The following CNOT1 variants were observed in gnomAD, a reference collection of about 807,000 sequenced individuals.
The protein encoded by CNOT1 is CCR4-NOT transcription complex subunit 1.
A neutral mutation model predicts 273.8 loss-of-function variants in CNOT1; 15 were observed. The ratio of observed to expected loss-of-function variants is 0.05; its 90% CI spans 0.04 to 0.08. The LOEUF is 0.08. CNOT1 is among the 10% of genes least tolerant of loss of function. The pLI, the probability that CNOT1 is intolerant of heterozygous loss-of-function variation, is 1.00. For missense variants in CNOT1, 1,644 were observed against 2,912.2 expected (o/e 0.56, Z 10.02); for synonymous variants, 1,022 against 1,005.5 (o/e 1.02, Z -0.31).
chr16:58,539,243 T>C (rs187401), intron 35 of CNOT1, among the ~76,000 whole-genome samples: 96,647 of 151,698 alleles, frequency 0.64, 31,817 homozygotes, highest in East Asian at 0.95. Flanking sequence ...TCTATAATCC[T>C]AGCGCTTTGG....
chr16:58,543,039 G>A (rs959252301), intron 31 of CNOT1: 3 of 1,083,806 alleles, frequency 2.8e-6, no homozygotes, highest in Non-Finnish European at 3.5e-6. Context: ...GATGCAGTGA[G>A]CCAAGACTGC....
At chr16:58,529,122 T>C (rs1257173894) in intron 43 of CNOT1, among the ~76,000 whole-genome samples, 2 of 152,288 alleles carry the variant, frequency 1.3e-5, no homozygotes, top group African/African-American at 2.4e-5. Flanking sequence ...AGGAATGACA[T>C]TACAGATCCT....
Position 58,538,181 on chromosome 16 carries a change from G to T in CNOT1, c.5221C>A (p.Gln1741Lys). ...LIRNHLVNMQ[Q>K]YDLHLAQSME... ...ACCTGCGCTAGGTGAAGATCATACT[G>T]CTGCATATTAACCAAATGATTGCGA... The change falls in exon 37 of 49, where the codon CAG (glutamine) becomes AAG (lysine). Residue 1741 changes from glutamine to lysine, a missense_variant. By Grantham distance (53) the Gln-to-Lys change is moderately conservative. Around this residue, in one of 13 missense-constraint regions of CNOT1, gnomAD observed 170 missense variants for 273.1 expected, o/e 0.62. Transcript: ENST00000317147. The T allele has an allele frequency of 6.5e-7, 1 of 1,540,928 alleles. No individual in the cohort carries two copies. The highest frequency in any genetic ancestry group is 9.0e-7 in the Non-Finnish European group (1 of 1,113,242).
chr16:58,523,142 G>A (rs1255663903), intron 47 of CNOT1: 8 of 297,052 alleles, frequency 2.7e-5, no homozygotes, highest in Non-Finnish European at 4.3e-5. Flanking sequence ...CTACTTGAGA[G>A]GCTAAGGCAC....
chr16:58,539,699 G>C, intron 35 of CNOT1, 69 bp downstream of exon 35: 3 of 1,395,878 alleles, frequency 2.1e-6, no homozygotes, highest in Non-Finnish European at 2.9e-6. Context: ...TAAATATGTA[G>C]ATGGTGGTGC....
Position 58,555,259 on chromosome 16 carries a change from A to T in CNOT1, c.2883T>A (p.Phe961Leu). 6.2e-7 allele frequency: 1 copy of T among 1,613,916 alleles called. No individual in the cohort carries two copies. The highest frequency in any genetic ancestry group is 8.5e-7 in the Non-Finnish European group (1 of 1,179,936). ...YYFGIAALDR[F>L]KNRLKDYPQY... ...GAAACCTATCCACTTACCTGTTTTT[A>T]AATCTATCTAGTGCAGCAATCCCGA... The change falls in exon 21 of 49, where the codon TTT becomes TTA. Residue 961 changes from phenylalanine (F) to leucine (L), a missense_variant. Around this residue, in one of 13 missense-constraint regions of CNOT1, gnomAD observed 74 missense variants for 184.6 expected, o/e 0.40. Transcript: ENST00000317147.
In CNOT1 at chr16:58,623,636, G is replaced by A. The variant is rs555857073; in HGVS notation, c.-175+6092C>T. ...CCAGGGGAGGGCATGGAAGCTCCGC[G>A]GCCCTTACTTCTCCTACGCACCTCC... On this transcript the variant is annotated intron_variant, in intron 1 of 48. Transcript: ENST00000317147. 1.1e-4 allele frequency among the ~76,000 whole-genome samples: 16 copies of A among 152,178 alleles called. 1 individual carries two copies. Among genetic ancestry groups the A allele is most frequent in the Admixed American group, 4.6e-4 (7 of 15,262 alleles).
rs371180217 is a variant in CNOT1 at position 58,613,916 on chromosome 16, G to A, written c.-174-14405C>T. Among the ~76,000 whole-genome samples, 15 of 118,266 alleles carry A rather than the reference G, an allele frequency of 1.3e-4. 3 individuals carry two copies. The highest frequency in any genetic ancestry group is 4.0e-4 in the East Asian group (2 of 5,030). The allele number at this position is 118,266 out of a possible 152,430, so 77.6% of individuals were successfully genotyped here. A position where few individuals can be genotyped will look rare whatever the true frequency, so the allele number is the denominator to read the frequency against. The stretch of plus-strand genomic sequence containing the variant: ...ATCCTGGCTAACATGGTGAAACCCC[G>A]TCTCTACTAAAAATACAAAAAAAAA... On this transcript the variant is annotated intron_variant, in intron 1 of 48. Coordinates refer to ENST00000317147, the MANE Select transcript of CNOT1 (RefSeq NM_016284.5).
chr16:58,550,656 C>T (rs1405551927), intron 24 of CNOT1, among the ~76,000 whole-genome samples: 1 of 152,130 alleles, frequency 6.6e-6, no homozygotes, highest in African/African-American at 2.4e-5. Context: ...AGGCTGTTAA[C>T]AGTTAAGTTC....
At chr16:58,611,186 T>C (rs1475503471) in intron 1 of CNOT1, among the ~76,000 whole-genome samples, 1 of 151,852 alleles carries the variant, frequency 6.6e-6, no homozygotes, top group Non-Finnish European at 1.5e-5. Context: ...CCTACCACTT[T>C]GGGAGGCTGA....
Position 58,560,376 on chromosome 16 carries a change from G to A in CNOT1, c.1980-14C>T. 1.2e-6 allele frequency: 2 copies of A among 1,608,482 alleles called. No individual in the cohort carries two copies. The highest frequency in any genetic ancestry group is 1.7e-5 in the Admixed American group (1 of 58,362). ...TGAGAAACACTCCTAAAATAGAGGG[G>A]AAAAGGTAAAAAATATCAGTTCCTA... On this transcript the variant is annotated splice_polypyrimidine_tract_variant and intron_variant, in intron 16 of 48. Transcript: ENST00000317147.
intron 1 of CNOT1, among the ~76,000 whole-genome samples, chr16:58,625,552 C>T (rs1435850540): frequency 1.3e-5 from 2 of 151,586 alleles, no homozygotes; most frequent in Admixed American, 6.6e-5. Flanking sequence ...GGCATGATGG[C>T]GCGCACCTGT....
chr16:58,520,878 G>T lies in CNOT1; in HGVS notation c.*80C>A. 7.0e-7 allele frequency: 1 copy of T among 1,436,674 alleles called. No homozygotes were observed. Among genetic ancestry groups the T allele is most frequent in the Non-Finnish European group, 9.7e-7 (1 of 1,031,208 alleles). 89.0% of individuals were successfully genotyped at this position (1,436,674 alleles called of 1,614,324 possible). A position where few individuals can be genotyped will look rare whatever the true frequency, so the allele number is the denominator to read the frequency against. On this transcript the variant is annotated 3_prime_UTR_variant, in exon 49 of 49. Transcript: ENST00000317147. The stretch of plus-strand genomic sequence containing the variant: ...AGGGCTGGGAAAGTCAGGAAGAGCT[G>T]AAAGGATTCTTCAGTCAGTTTATGA...
intron 43 of CNOT1, among the ~76,000 whole-genome samples, chr16:58,529,232 C>T (rs1026065345): frequency 1.3e-5 from 2 of 152,066 alleles, no homozygotes; most frequent in African/African-American, 2.4e-5. Flanking sequence ...CACTGAGACA[C>T]GCAAAGATTT....
intron 13 of CNOT1, among the ~76,000 whole-genome samples, chr16:58,577,615 C>A (rs1219434889): frequency 1.3e-5 from 2 of 151,998 alleles, no homozygotes; most frequent in African/African-American, 4.8e-5. Flanking sequence ...AAGTTTTTTT[C>A]TGCATGTATC....
chr16:58,605,416 T>A (rs2152021866), intron 1 of CNOT1, among the ~76,000 whole-genome samples: 1 of 151,520 alleles, frequency 6.6e-6, no homozygotes, highest in East Asian at 2.0e-4. Context: ...GGCAGGAGAA[T>A]CACTTGAACC....
chr16:58,582,662 C>T (rs1352690962), intron 10 of CNOT1, 131 bp downstream of exon 10: 2 of 629,420 alleles, frequency 3.2e-6, no homozygotes, highest in East Asian at 2.7e-5. Flanking sequence ...GTACTGCCTG[C>T]AGTACACAAT....
intron 44 of CNOT1, among the ~76,000 whole-genome samples, chr16:58,526,792 G>A (rs1389907900): frequency 6.8e-6 from 1 of 148,118 alleles, no homozygotes; most frequent in Non-Finnish European, 1.5e-5. Flanking sequence ...GCTCCAGCCT[G>A]GGCAACAAGA....
At chr16:58,628,456 G>C (rs1004264695) in intron 1 of CNOT1, among the ~76,000 whole-genome samples, 1 of 152,084 alleles carries the variant, frequency 6.6e-6, no homozygotes, top group Non-Finnish European at 1.5e-5. Context: ...TTCTTAATCT[G>C]TTTGACCTTC....
Sources: gnomAD v4.1 joint callset for allele counts (sites outside exome capture counted in the v4.1 genomes callset) on GRCh38, gnomAD v4.1.1 for gene constraint, gnomAD v4.1.1 regional missense constraint, MANE v1.5 for transcripts, NCBI Gene and HGNC (gene_info 2026-07-23, HGNC 2026-07-21) for gene names.